MTHFD1L: variants seen among roughly 807,000 people sequenced by gnomAD.
MTHFD1L encodes methylenetetrahydrofolate dehydrogenase (NADP+ dependent) 1 like, also known as monofunctional C1-tetrahydrofolate synthase, mitochondrial.
In MTHFD1L, 81 loss-of-function variants were observed where a neutral mutation model predicts 119.5. That is an observed-to-expected ratio of 0.68 (90% confidence interval 0.57 to 0.82). MTHFD1L has a LOEUF of 0.82. Among genes scored for constraint, MTHFD1L ranks in the 40% least tolerant of loss-of-function variants. MTHFD1L has a pLI of 0.00. For missense variants in MTHFD1L, 1,125 were observed against 1,253.4 expected (o/e 0.90, Z 1.55); for synonymous variants, 430 against 475.2 (o/e 0.90, Z 1.24).
Position 151,090,448 on chromosome 6 carries a change from C to T in MTHFD1L, c.2848-2019C>T, listed in dbSNP as rs145460699. The stretch of plus-strand genomic sequence containing the variant: ...TCAAATGCAGCAGGTCTGGGGTGGG[C>T]TCTGAAATTCCGAATATCTAACAGG... On this transcript the variant is annotated intron_variant, in intron 26 of 27. Transcript: ENST00000367321. Among the ~76,000 whole-genome samples, 11 of 152,322 alleles carry T rather than the reference C, an allele frequency of 7.2e-5. No individual in the cohort carries two copies. The East Asian group carries it at 1.9e-3, about 27-fold the overall frequency.
At chr6:150,933,870 G>A (rs1022086855) in intron 11 of MTHFD1L, among the ~76,000 whole-genome samples, 6 of 152,084 alleles carry the variant, frequency 3.9e-5, no homozygotes, top group Non-Finnish European at 7.4e-5. Context: ...TTTTACCTTG[G>A]CCTCCCAAAG....
chr6:150,906,005 G>A (rs1192452964), intron 8 of MTHFD1L, among the ~76,000 whole-genome samples: 1 of 152,206 alleles, frequency 6.6e-6, no homozygotes, highest in African/African-American at 2.4e-5. Flanking sequence ...TAGCAGTCAG[G>A]TCAGTTGTGA....
chr6:150,920,701 T>C (rs35456749), intron 9 of MTHFD1L, among the ~76,000 whole-genome samples: 40,042 of 152,048 alleles, frequency 0.26, 5,965 homozygotes, highest in African/African-American at 0.41. Flanking sequence ...TTTTCTAAAT[T>C]GGATGACGAA....
chr6:151,044,439 T>C (rs1226279793), intron 26 of MTHFD1L, among the ~76,000 whole-genome samples: 1 of 151,858 alleles, frequency 6.6e-6, no homozygotes, highest in Admixed American at 6.6e-5. Context: ...GTAGCTGGGA[T>C]TACAGGTGGC....
intron 26 of MTHFD1L, among the ~76,000 whole-genome samples, chr6:151,058,387 C>A (rs1562610817): frequency 6.6e-6 from 1 of 152,160 alleles, no homozygotes; most frequent in Non-Finnish European, 1.5e-5. Flanking sequence ...CTGGCAAAGG[C>A]TGCATTTCTG....
intron 26 of MTHFD1L, among the ~76,000 whole-genome samples, chr6:151,064,280 T>A (rs1223111242): frequency 2.0e-5 from 3 of 152,214 alleles, no homozygotes; most frequent in Non-Finnish European, 4.4e-5. Flanking sequence ...ATGCCATTTT[T>A]AAGTCCTGAT....
chr6:150,994,078 AAAG>A (rs1330119160), intron 20 of MTHFD1L, among the ~76,000 whole-genome samples: 33 of 118,100 alleles, frequency 2.8e-4, no homozygotes, highest in African/African-American at 4.1e-4. Flanking sequence ...AAAAAAAAAA[AAAG>A]AAAGAAAGAA....
chr6:150,891,349 A>G (rs1783235019), intron 7 of MTHFD1L, among the ~76,000 whole-genome samples: 1 of 151,490 alleles, frequency 6.6e-6, no homozygotes. Context: ...GATGTATTTC[A>G]TACAACACCA....
Position 150,945,528 on chromosome 6 carries a change from T to A in MTHFD1L, c.1610T>A (p.Leu537His), listed in dbSNP as rs1455098577. The A allele has an allele frequency of 6.2e-7, 1 of 1,614,118 alleles. No individual in the cohort carries two copies. Among genetic ancestry groups the A allele is most frequent in the South Asian group, 1.1e-5 (1 of 91,048 alleles). ...GTCAGAGAATTTTCAGAAATTCAGC[T>A]TGCTCGGCTAAAAGTAAGTTTCCAG... ...NGVREFSEIQ[L>H]ARLKKLGINK... is the part of the protein sequence containing the mutation. The change falls in exon 15 of 28, where the codon CTT (leucine) becomes CAT (histidine). Residue 537 changes from leucine to histidine, a missense_variant. Physicochemically the swap from Leu to His is moderately conservative, Grantham distance 99. Coordinates refer to ENST00000367321, the MANE Select transcript of MTHFD1L (RefSeq NM_015440.5).
chr6:150,963,633 C>T (rs1223910394), intron 18 of MTHFD1L, among the ~76,000 whole-genome samples: 3 of 152,126 alleles, frequency 2.0e-5, no homozygotes, highest in African/African-American at 7.2e-5. Context: ...GAGAATGTAA[C>T]GCACTTTAGA....
chr6:150,915,323 G>A (rs1047126795), intron 8 of MTHFD1L, among the ~76,000 whole-genome samples: 7 of 152,080 alleles, frequency 4.6e-5, no homozygotes, highest in Non-Finnish European at 7.3e-5. Context: ...TATGGCCCAA[G>A]ACAATTCTTC....
intron 5 of MTHFD1L, among the ~76,000 whole-genome samples, chr6:150,885,199 G>GTTTT (rs34025381): frequency 7.4e-6 from 1 of 135,088 alleles, no homozygotes; most frequent in Non-Finnish European, 1.6e-5. Context: ...TTTTTTATGG[G>GTTTT]TTTTTTTTTT....
In MTHFD1L at chr6:150,874,041, T is replaced by C. The variant is rs151157002; in HGVS notation, c.228-2049T>C. 1.3e-3 allele frequency among the ~76,000 whole-genome samples: 192 copies of C among 152,236 alleles called. 1 individual carries two copies. The highest frequency in any genetic ancestry group is 4.3e-3 in the African/African-American group (177 of 41,548). ...GAACCGCTTGGGTCCCACACTCCGG[T>C]GCTTTCCTGGACCCAGACAAAAATA... On this transcript the variant is annotated intron_variant, in intron 1 of 27. Coordinates refer to ENST00000367321, the MANE Select transcript of MTHFD1L (RefSeq NM_015440.5).
intron 20 of MTHFD1L, among the ~76,000 whole-genome samples, chr6:151,005,902 A>T (rs924867181): frequency 2.0e-5 from 3 of 152,196 alleles, no homozygotes; most frequent in Non-Finnish European, 4.4e-5. Flanking sequence ...GTAGTATTGT[A>T]AGAAAAAAAG....
intron 18 of MTHFD1L, among the ~76,000 whole-genome samples, chr6:150,961,701 C>G (rs1796481966): frequency 6.6e-6 from 1 of 152,124 alleles, no homozygotes; most frequent in South Asian, 2.1e-4. Context: ...ATGAATCTAA[C>G]TCATCTCAGA....
intron 16 of MTHFD1L, among the ~76,000 whole-genome samples, chr6:150,950,027 A>G (rs1468770047): frequency 6.6e-6 from 1 of 151,938 alleles, no homozygotes; most frequent in Non-Finnish European, 1.5e-5. Context: ...TTATGCTCAC[A>G]TTTGGAACAT....
chr6:151,038,584 G>A (rs926886363), intron 26 of MTHFD1L, among the ~76,000 whole-genome samples: 3 of 151,988 alleles, frequency 2.0e-5, no homozygotes, highest in South Asian at 2.1e-4. Context: ...TGTTTTTTTG[G>A]TTTTAAATAA....
chr6:150,926,557 CT>C lies in MTHFD1L; in HGVS notation c.1256+263del, dbSNP rs1562393581. ...TCATATTATGTTGTTATTACCCCTGCTCCTCCTTGACTTTTTGAATTTCATT... is the reference window on the plus strand; with the variant it reads ...TCATATTATGTTGTTATTACCCCTGCCCTCCTTGACTTTTTGAATTTCATT... On this transcript the variant is annotated intron_variant, in intron 11 of 27. Transcript: ENST00000367321. This position sits in a 1 kb window ranked among gnomAD's most constrained non-coding sequence, Gnocchi z 4.3. Among the ~76,000 whole-genome samples the C allele has an allele frequency of 1.3e-5, 2 of 152,166 alleles. No individual in the cohort carries two copies. The highest frequency in any genetic ancestry group is 2.9e-5 in the Non-Finnish European group (2 of 68,034).
intron 26 of MTHFD1L, among the ~76,000 whole-genome samples, chr6:151,084,119 A>G (rs1337573984): frequency 6.6e-6 from 1 of 152,218 alleles, no homozygotes; most frequent in Non-Finnish European, 1.5e-5. Flanking sequence ...TACATGTTAA[A>G]TGCCTCCCTC....
Sources: allele counts gnomAD v4.1 joint callset (sites outside exome capture counted in the v4.1 genomes callset), GRCh38; gene constraint gnomAD v4.1.1; non-coding constraint Gnocchi (gnomAD v3.1); transcripts MANE v1.5; gene names NCBI Gene and HGNC (gene_info 2026-07-23, HGNC 2026-07-21).